Variants in FNIP2 observed in about 807,000 individuals in gnomAD.
The protein encoded by FNIP2 is folliculin interacting protein 2, also known as folliculin-interacting protein 2.
Under a neutral mutation model 108.7 loss-of-function variants are expected in FNIP2, and 32 were observed. The ratio of observed to expected loss-of-function variants is 0.29; its 90% confidence interval spans 0.22 to 0.40. The LOEUF (loss-of-function observed/expected upper bound fraction) is 0.40. FNIP2 is among the 10% of genes least tolerant of loss of function. The pLI, the probability that FNIP2 is intolerant of heterozygous loss-of-function variation, is 1.00. For synonymous variants in FNIP2, 480 were observed against 496.7 expected (o/e 0.97, Z 0.45); for missense variants, 1,202 against 1,381.6 (o/e 0.87, Z 2.06).
intron 14 of FNIP2, among the ~76,000 whole-genome samples, chr4:158,879,056 G>T (rs981541074): frequency 2.7e-5 from 4 of 150,262 alleles, no homozygotes; most frequent in Admixed American, 1.3e-4. Context: ...AGTAAAAGAT[G>T]TGGTGGCCAG....
At position 158,769,166 on chromosome 4, in the gene FNIP2, G is replaced by C. The variant is rs911818985; in HGVS notation, c.-47G>C. 9.4e-7 allele frequency: 1 copy of C among 1,066,000 alleles called. No homozygotes were observed. Among genetic ancestry groups the C allele is most frequent in the Non-Finnish European group, 1.2e-6 (1 of 855,630 alleles). 66.0% of individuals were successfully genotyped at this position (1,066,000 alleles called of 1,614,324 possible). ...GCCGCCGCCCCCGGCTGCGCGCTGA[G>C]CCGCCGGCCCCCCGAGCGCCACGGC... is the stretch of plus-strand genomic sequence containing the variant. On this transcript the variant is annotated 5_prime_UTR_variant, in exon 1 of 17. Coordinates refer to ENST00000264433, the MANE Select transcript of FNIP2 (RefSeq NM_020840.3).
intron 1 of FNIP2, among the ~76,000 whole-genome samples, chr4:158,803,778 C>T (rs1329451721): frequency 1.3e-5 from 2 of 152,086 alleles, no homozygotes; most frequent in Non-Finnish European, 2.9e-5. Context: ...GGAGTGATCC[C>T]AAGATATTAA....
chr4:158,861,441 C>G lies in FNIP2; in HGVS notation c.1248C>G (p.Arg416=). The change falls in exon 11 of 17, where the codon CGC becomes CGG. Residue 416 remains arginine, a synonymous_variant. Transcript: ENST00000264433. ...GTLEKNQLCQ[R]FLKEFTLLIE... is the part of the protein sequence containing the mutation. Reference sequence around the variant, plus strand: ...TGGAAAAAAACCAGCTCTGCCAGCGCTTTCTCAAGGAGTTTACACTTCTGA... The same window carrying G: ...TGGAAAAAAACCAGCTCTGCCAGCGGTTTCTCAAGGAGTTTACACTTCTGA... The G allele has an allele frequency of 1.9e-6, 3 of 1,614,014 alleles. No individual in the cohort carries two copies. Among genetic ancestry groups the G allele is most frequent in the Non-Finnish European group, 1.7e-6 (2 of 1,179,894 alleles).
At chr4:158,875,097 AAAAAG>A (rs1238883345) in intron 14 of FNIP2, among the ~76,000 whole-genome samples, 4 of 152,058 alleles carry the variant, frequency 2.6e-5, no homozygotes, top group East Asian at 1.9e-4. Flanking sequence ...AAAAAAAAAA[AAAAAG>A]AAAAGAAAGA....
Position 158,829,098 on chromosome 4 carries a change from T to C in FNIP2, c.254T>C (p.Ile85Thr). The change falls in exon 3 of 17, where the codon ATT (isoleucine) becomes ACT (threonine). Residue 85 changes from isoleucine to threonine, a missense_variant. By Grantham distance (89) the Ile-to-Thr change is moderately conservative (BLOSUM62 -1). Around this residue, in one of 5 missense-constraint regions of FNIP2, gnomAD observed 173 missense variants for 165.9 expected, o/e 1.04. Transcript: ENST00000264433. ...ACCTAGAAAACAGAGGATGTTCCTATTAAAATATCAGCCAAGTGCTGCCAG... is the reference window on the plus strand; with the variant it reads ...ACCTAGAAAACAGAGGATGTTCCTACTAAAATATCAGCCAAGTGCTGCCAG... Reference protein sequence around the residue: ...VTAQKTEDVPIKISAKCCQGS... With the variant: ...VTAQKTEDVPTKISAKCCQGS... 6.2e-7 allele frequency: 1 copy of C among 1,610,626 alleles called. No homozygotes were observed. The highest frequency in any genetic ancestry group is 8.5e-7 in the Non-Finnish European group (1 of 1,178,424).
chr4:158,866,157 T>C (rs1444104057), intron 12 of FNIP2, among the ~76,000 whole-genome samples: 1 of 150,200 alleles, frequency 6.7e-6, no homozygotes, highest in East Asian at 1.9e-4. Flanking sequence ...CTGATTACCA[T>C]GTATCAGTTC....
intron 1 of FNIP2, among the ~76,000 whole-genome samples, chr4:158,806,587 C>T (rs1776971735): frequency 6.6e-6 from 1 of 152,222 alleles, no homozygotes; most frequent in South Asian, 2.1e-4. Flanking sequence ...AGTCCCTTCT[C>T]TTACAGAAGA....
chr4:158,833,739 CTGTG>C lies in FNIP2; in HGVS notation c.655+113_655+116del, dbSNP rs1271958989. The stretch of plus-strand genomic sequence containing the variant: ...TTTTTTTTTTTGCGTTATCTTTAAT[CTGTG>C]TTTATTTTTTTTGTATGTGTACTTT... On this transcript the variant is annotated intron_variant, in intron 6 of 16. Transcript: ENST00000264433. 5.0e-6 allele frequency: 7 copies of C among 1,411,922 alleles called. No homozygotes were observed. In the Admixed American group the frequency reaches 1.2e-4, roughly 23 times the overall value. 87.5% of individuals were successfully genotyped at this position (1,411,922 alleles called of 1,614,324 possible).
At chr4:158,839,671 T>A (rs2126617393) in intron 7 of FNIP2, among the ~76,000 whole-genome samples, 1 of 152,260 alleles carries the variant, frequency 6.6e-6, no homozygotes, top group Non-Finnish European at 1.5e-5. Context: ...CCCCACAACT[T>A]CATTTATTTG....
At chr4:158,892,453 A>T (rs1782341498) in intron 15 of FNIP2, among the ~76,000 whole-genome samples, 1 of 152,082 alleles carries the variant, frequency 6.6e-6, no homozygotes, top group Non-Finnish European at 1.5e-5. Context: ...GAGCCTATAC[A>T]CTCTTAGAAA....
chr4:158,861,603 C>T lies in FNIP2; in HGVS notation c.1296-4C>T, dbSNP rs1780303214. On this transcript the variant is annotated splice_region_variant and splice_polypyrimidine_tract_variant and intron_variant, in intron 11 of 16. Transcript: ENST00000264433. ...TTGGTTGTATCTTTTTCCATTTCTCCAAGGTTTTTTGCTGCCTTACTGACT... is the reference window on the plus strand; with the variant it reads ...TTGGTTGTATCTTTTTCCATTTCTCTAAGGTTTTTTGCTGCCTTACTGACT... 1 of 1,613,798 alleles carries T rather than the reference C, an allele frequency of 6.2e-7. No homozygotes were observed.
intron 1 of FNIP2, among the ~76,000 whole-genome samples, chr4:158,786,812 G>A (rs1206936899): frequency 7.2e-5 from 11 of 152,058 alleles, no homozygotes; most frequent in Admixed American, 6.5e-5. Context: ...TTTATGTAGG[G>A]TTTCTTTGTC....
At chr4:158,779,858 A>G (rs1470103254) in intron 1 of FNIP2, among the ~76,000 whole-genome samples, 1 of 151,018 alleles carries the variant, frequency 6.6e-6, no homozygotes, top group Non-Finnish European at 1.5e-5. Context: ...TGCTGGGATT[A>G]CAAGCATAAG....
intron 7 of FNIP2, among the ~76,000 whole-genome samples, chr4:158,848,626 A>G (rs1354775449): frequency 6.6e-6 from 1 of 152,224 alleles, no homozygotes; most frequent in Non-Finnish European, 1.5e-5. Context: ...CAAATGGACT[A>G]AATACAGCAC....
intron 14 of FNIP2, among the ~76,000 whole-genome samples, chr4:158,873,361 T>G (rs1036679480): frequency 6.6e-6 from 1 of 151,714 alleles, no homozygotes; most frequent in Non-Finnish European, 1.5e-5. Context: ...TGGTTTTTTT[T>G]GTTTTGTTTT....
At chr4:158,782,027 C>A (rs186353348) in intron 1 of FNIP2, among the ~76,000 whole-genome samples, 1 of 152,236 alleles carries the variant, frequency 6.6e-6, no homozygotes, top group Non-Finnish European at 1.5e-5. Context: ...TATGTAGTGA[C>A]TCTTATAACT....
chr4:158,894,699 C>T (rs1782527260), intron 15 of FNIP2, among the ~76,000 whole-genome samples: 1 of 152,042 alleles, frequency 6.6e-6, no homozygotes, highest in South Asian at 2.1e-4. Context: ...TAATAAAGAT[C>T]CTTTTACCAC....
intron 1 of FNIP2, chr4:158,808,746 A>C (rs1305228108): frequency 6.6e-6 from 1 of 152,134 alleles, no homozygotes; most frequent in Non-Finnish European, 1.5e-5. Flanking sequence ...TTGCTCTTTG[A>C]TATCTTAAAT....
intron 14 of FNIP2, among the ~76,000 whole-genome samples, chr4:158,879,069 T>G (rs1184142893): frequency 1.3e-5 from 2 of 149,590 alleles, no homozygotes; most frequent in African/African-American, 5.0e-5. Context: ...GTGGCCAGAG[T>G]GAAGAGACTT....
Sources: allele counts gnomAD v4.1 joint callset (sites outside exome capture counted in the v4.1 genomes callset), GRCh38; gene constraint gnomAD v4.1.1; regional missense constraint gnomAD v4.1.1; transcripts MANE v1.5; gene names NCBI Gene and HGNC (gene_info 2026-07-23, HGNC 2026-07-21).